The following ACSL4 variants were observed in gnomAD, a reference collection of about 807,000 sequenced individuals.
ACSL4 encodes long-chain-fatty-acid--CoA ligase 4.
A neutral mutation model predicts 49.1 loss-of-function variants in ACSL4; 9 were observed. That is an observed-to-expected ratio of 0.18 (90% CI 0.11 to 0.32). The LOEUF is 0.32. Among genes scored for constraint, ACSL4 ranks in the 10% least tolerant of loss-of-function variants. The probability of loss-of-function intolerance (pLI) is 1.00; values close to 1 mark genes in which losing one functional copy is unlikely to be tolerated. For synonymous variants in ACSL4, 191 were observed against 170.3 expected (o/e 1.12, Z -0.95); for missense variants, 333 against 493.7 (o/e 0.67, Z 3.08).
At chrX:109,688,906 T>G (rs2147464034) in intron 2 of ACSL4, among the ~76,000 whole-genome samples, 1 of 109,807 alleles carries the variant, frequency 9.1e-6, no homozygotes, top group East Asian at 2.8e-4. Flanking sequence ...CAATTTTAAA[T>G]ACCACATATA....
chrX:109,644,539 G>C (rs1425561070), intron 15 of ACSL4, among the ~76,000 whole-genome samples: 1 of 111,735 alleles, frequency 8.9e-6, no homozygotes, highest in Non-Finnish European at 1.9e-5. Flanking sequence ...CCTCTTCAGA[G>C]ACTTTATATT....
At chrX:109,702,488 G>A (rs1926045668) in intron 1 of ACSL4, among the ~76,000 whole-genome samples, 1 of 112,089 alleles carries the variant, frequency 8.9e-6, no homozygotes, top group Non-Finnish European at 1.9e-5. Context: ...ATTCAAAAGG[G>A]TATGATCATT....
intron 2 of ACSL4, among the ~76,000 whole-genome samples, chrX:109,693,262 T>TA (rs1047600812): frequency 0.016 from 1,636 of 103,562 alleles, 18 homozygotes; most frequent in African/African-American, 0.036. Context: ...TATCGTGATT[T>TA]AAAAAAAAAA....
At chrX:109,650,856 G>T (rs1343227121) in intron 15 of ACSL4, among the ~76,000 whole-genome samples, 1 of 111,594 alleles carries the variant, frequency 9.0e-6, no homozygotes, top group African/African-American at 3.3e-5. Context: ...CATCCATAGG[G>T]TTGAGAGCCC....
chrX:109,719,803 G>C (rs1172690159), intron 1 of ACSL4, among the ~76,000 whole-genome samples: 1 of 110,578 alleles, frequency 9.0e-6, no homozygotes, highest in Non-Finnish European at 1.9e-5. Flanking sequence ...AGACCAGCCT[G>C]ACCAACATGG....
chrX:109,699,331 T>TA (rs1229308329), intron 1 of ACSL4, among the ~76,000 whole-genome samples: 4 of 112,122 alleles, frequency 3.6e-5, no homozygotes, highest in Non-Finnish European at 7.5e-5. Context: ...GCCTGGGTGA[T>TA]AGAGTGAGAC....
intron 1 of ACSL4, among the ~76,000 whole-genome samples, chrX:109,699,896 T>C (rs943349277): frequency 5.4e-5 from 6 of 111,433 alleles, no homozygotes; most frequent in Non-Finnish European, 1.1e-4. Flanking sequence ...ACTCACACGC[T>C]AAGCTGTGGG....
chrX:109,726,144 G>C (rs1210284608), intron 1 of ACSL4, among the ~76,000 whole-genome samples: 1 of 112,500 alleles, frequency 8.9e-6, no homozygotes, highest in Non-Finnish European at 1.9e-5. Flanking sequence ...AGCAGGCTTA[G>C]CACGGTGGCT....
At chrX:109,725,704 C>T (rs1927933365) in intron 1 of ACSL4, among the ~76,000 whole-genome samples, 1 of 110,938 alleles carries the variant, frequency 9.0e-6, no homozygotes, top group Non-Finnish European at 1.9e-5. Context: ...CACGCCACTG[C>T]ACTCCAGCCT....
chrX:109,721,051 G>A (rs1006881308), intron 1 of ACSL4, among the ~76,000 whole-genome samples: 1 of 112,263 alleles, frequency 8.9e-6, no homozygotes, highest in East Asian at 2.8e-4. Context: ...TTTTTCAACT[G>A]TTCTTTGAAG....
chrX:109,724,948 G>T (rs1484083471), intron 1 of ACSL4, among the ~76,000 whole-genome samples: 1 of 109,075 alleles, frequency 9.2e-6, no homozygotes, highest in East Asian at 2.9e-4. Context: ...GTAGAGATGG[G>T]GTTTCACCAT....
chrX:109,722,169 T>G (rs1233848156), intron 1 of ACSL4, among the ~76,000 whole-genome samples: 3 of 112,035 alleles, frequency 2.7e-5, no homozygotes, highest in African/African-American at 9.8e-5. Flanking sequence ...TAAGATATTT[T>G]CACCTCTAAG....
At chrX:109,658,048 C>T (rs1485203767) in intron 15 of ACSL4, among the ~76,000 whole-genome samples, 1 of 111,325 alleles carries the variant, frequency 9.0e-6, no homozygotes, top group East Asian at 2.8e-4. Context: ...ATTCTTTGCC[C>T]ACTTTTTGAT....
At chrX:109,701,105 T>C (rs1925887032) in intron 1 of ACSL4, among the ~76,000 whole-genome samples, 1 of 112,326 alleles carries the variant, frequency 8.9e-6, no homozygotes, top group African/African-American at 3.2e-5. Context: ...TTACAAAATA[T>C]ATTAAATGAA....
At chrX:109,644,359 G>T (rs374788409) in intron 15 of ACSL4, among the ~76,000 whole-genome samples, 173 bp from the exon 16 acceptor site, 1 of 109,932 alleles carries the variant, frequency 9.1e-6, no homozygotes, top group Admixed American at 9.8e-5. Flanking sequence ...TTATTTAATG[G>T]TATACTAGAT....
At chrX:109,698,992 C>T (rs1003840870) in intron 1 of ACSL4, among the ~76,000 whole-genome samples, 7 of 112,697 alleles carry the variant, frequency 6.2e-5, no homozygotes, top group Non-Finnish European at 1.1e-4. Context: ...CACGAAGAAT[C>T]ATCGTCCTGG....
At chrX:109,716,883 T>G (rs1212415926) in intron 1 of ACSL4, among the ~76,000 whole-genome samples, 1 of 112,248 alleles carries the variant, frequency 8.9e-6, no homozygotes, top group East Asian at 2.8e-4. Flanking sequence ...TTCCTACTAG[T>G]AGATATTGCC....
intron 2 of ACSL4, among the ~76,000 whole-genome samples, chrX:109,691,037 G>C (rs1925006453): frequency 9.0e-6 from 1 of 111,258 alleles, no homozygotes; most frequent in Admixed American, 9.6e-5. Flanking sequence ...ATTTGAGAAT[G>C]AAAGAGAAAA....
intron 11 of ACSL4, among the ~76,000 whole-genome samples, chrX:109,667,089 T>C (rs1922713862): frequency 8.9e-6 from 1 of 112,683 alleles, no homozygotes; most frequent in South Asian, 3.6e-4. Context: ...TTAAGGATGG[T>C]ATCACCATTG....
Sources: allele counts gnomAD v4.1 joint callset (sites outside exome capture counted in the v4.1 genomes callset), GRCh38; gene constraint gnomAD v4.1.1; transcripts MANE v1.5; gene names NCBI Gene and HGNC (gene_info 2026-07-23, HGNC 2026-07-21).